The following DDI2 variants were observed in gnomAD, a reference collection of about 807,000 sequenced individuals.
DDI2 encodes DDI proteasomal shuttling factor 2.
DDI2 carries 5 observed loss-of-function variants against 48.1 expected under a neutral mutation model. The observed-to-expected ratio is 0.10, with a 90% CI of 0.05 to 0.22. The LOEUF is 0.22. DDI2 is among the 10% of genes least tolerant of loss of function. The probability of loss-of-function intolerance (pLI) is 1.00; values close to 1 mark genes in which losing one functional copy is unlikely to be tolerated. For missense variants in DDI2, 285 were observed against 506.2 expected (o/e 0.56, Z 4.19); for synonymous variants, 205 against 183.6 (o/e 1.12, Z -0.94).
At chr1:15,637,179 C>G (rs1020276704) in intron 4 of DDI2, among the ~76,000 whole-genome samples, 3 of 152,196 alleles carry the variant, frequency 2.0e-5, no homozygotes, top group African/African-American at 7.2e-5. Flanking sequence ...TGTTGCTTTT[C>G]TCGTGTAAGA....
intron 7 of DDI2, among the ~76,000 whole-genome samples, chr1:15,650,817 G>T (rs1640166459): frequency 6.6e-6 from 1 of 152,132 alleles, no homozygotes; most frequent in South Asian, 2.1e-4. Context: ...AAAAGTAGAT[G>T]CATCATATTG....
In DDI2 at chr1:15,626,730, A is replaced by G. The variant is rs752722490; in HGVS notation, c.200A>G (p.Lys67Arg). The G allele has an allele frequency of 3.7e-6, 6 of 1,614,080 alleles. No individual in the cohort carries two copies. The highest frequency in any genetic ancestry group is 5.1e-6 in the Non-Finnish European group (6 of 1,180,044). ...AGATCATTGGCTTCTTATGGCTTGAAAGATGGGGACGTTGTGATTTTACGA... is the reference window on the plus strand; with the variant it reads ...AGATCATTGGCTTCTTATGGCTTGAGAGATGGGGACGTTGTGATTTTACGA... The part of the protein sequence containing the change: ...NHRSLASYGL[K>R]DGDVVILRQK... The change falls in exon 2 of 10, where the codon AAA becomes AGA. Residue 67 changes from lysine (K) to arginine (R), a missense_variant. Lys to Arg is a conservative substitution (Grantham distance 26). Coordinates refer to ENST00000480945, the MANE Select transcript of DDI2 (RefSeq NM_032341.5).
chr1:15,617,577 C>T lies in DDI2; in HGVS notation c.-94C>T, dbSNP rs897902017. The T allele has an allele frequency of 1.4e-5, 16 of 1,116,524 alleles. No homozygotes were observed. The highest frequency in any genetic ancestry group is 4.9e-5 in the African/African-American group (3 of 61,548). 69.2% of individuals were successfully genotyped at this position (1,116,524 alleles called of 1,614,324 possible). A position where few individuals can be genotyped will look rare whatever the true frequency, so the allele number is the denominator to read the frequency against. On this transcript the variant is annotated 5_prime_UTR_variant, in exon 1 of 10. Coordinates refer to ENST00000480945, the MANE Select transcript of DDI2 (RefSeq NM_032341.5). The stretch of plus-strand genomic sequence containing the variant: ...GCGAACGAGCAGCCGGCGCCGTCCT[C>T]CCGCAGCACCAGCCAGGCCACGCCG...
At chr1:15,632,069 A>G (rs1639855035) in intron 3 of DDI2, among the ~76,000 whole-genome samples, 1 of 151,682 alleles carries the variant, frequency 6.6e-6, no homozygotes, top group African/African-American at 2.4e-5. Context: ...TTCCCAAAGT[A>G]CTGAGATTAC....
intron 6 of DDI2, among the ~76,000 whole-genome samples, chr1:15,644,155 C>T (rs983224273): frequency 6.6e-6 from 1 of 152,204 alleles, no homozygotes; most frequent in Non-Finnish European, 1.5e-5. Flanking sequence ...TCAAGCACAT[C>T]CAATAGCCTC....
At position 15,665,346 on chromosome 1, in the gene DDI2, C is replaced by G. The variant is rs944759144; in HGVS notation, c.*5556C>G. On this transcript the variant is annotated 3_prime_UTR_variant, in exon 10 of 10. Coordinates refer to ENST00000480945, the MANE Select transcript of DDI2 (RefSeq NM_032341.5). Reference sequence around the variant, plus strand: ...AGTGCATGTGTTAAAACTCTTCTGCCTTGCAGCCCACATCTTCTAGAGCTC... The same window carrying G: ...AGTGCATGTGTTAAAACTCTTCTGCGTTGCAGCCCACATCTTCTAGAGCTC... The G allele has an allele frequency of 6.6e-6, 1 of 151,866 alleles. No individual in the cohort carries two copies. Among genetic ancestry groups the G allele is most frequent in the African/African-American group, 2.4e-5 (1 of 41,296 alleles). 9.4% of individuals were successfully genotyped at this position (151,866 alleles called of 1,614,324 possible). A position where few individuals can be genotyped will look rare whatever the true frequency, so the allele number is the denominator to read the frequency against.
intron 8 of DDI2, among the ~76,000 whole-genome samples, chr1:15,655,752 CA>C (rs111602583): frequency 0.36 from 42,009 of 115,734 alleles, 6,739 homozygotes; most frequent in African/African-American, 0.49. Context: ...GACTCCTTCT[CA>C]AAAAAAAAAA....
At chr1:15,619,672 A>C (rs1183851323) in intron 1 of DDI2, among the ~76,000 whole-genome samples, 2 of 150,580 alleles carry the variant, frequency 1.3e-5, no homozygotes, top group African/African-American at 4.9e-5. Flanking sequence ...CATGTTAGCC[A>C]GGATGGTCTC....
intron 5 of DDI2, 95 bp downstream of exon 5, chr1:15,638,529 A>AATTT: frequency 1.3e-5 from 10 of 788,148 alleles, no homozygotes; most frequent in Non-Finnish European, 1.7e-5. Flanking sequence ...AGATGGCTGT[A>AATTT]CTTTTTTTTT....
chr1:15,650,002 A>G (rs543602441), intron 7 of DDI2, among the ~76,000 whole-genome samples, 179 bp downstream of exon 7: 1 of 152,324 alleles, frequency 6.6e-6, no homozygotes, highest in Non-Finnish European at 1.5e-5. Context: ...TATAGATAGA[A>G]TCTGTTTTTG....
intron 4 of DDI2, chr1:15,634,229 A>G (rs1255015323): frequency 1.3e-5 from 2 of 156,720 alleles, no homozygotes; most frequent in African/African-American, 4.8e-5. Flanking sequence ...AGCTCAAGCA[A>G]GGACAGTGAC....
At chr1:15,654,714 A>T (rs1481199227) in intron 8 of DDI2, among the ~76,000 whole-genome samples, 1 of 151,512 alleles carries the variant, frequency 6.6e-6, no homozygotes, top group Non-Finnish European at 1.5e-5. Context: ...TCAAGTTTTT[A>T]TATTAACTAC....
chr1:15,648,023 T>C (rs1032989765), intron 6 of DDI2, among the ~76,000 whole-genome samples: 1 of 152,246 alleles, frequency 6.6e-6, no homozygotes, highest in African/African-American at 2.4e-5. Context: ...TACTTTTCTT[T>C]CATTGTAAAT....
At chr1:15,621,820 A>G (rs1211079171) in intron 1 of DDI2, among the ~76,000 whole-genome samples, 1 of 152,228 alleles carries the variant, frequency 6.6e-6, no homozygotes. Context: ...GAACATCCAT[A>G]TACTTAAGAC....
Position 15,656,621 on chromosome 1 carries a change from T to G in DDI2, c.1188T>G (p.Arg396=). Residue 396 remains arginine (R), a synonymous_variant, in exon 9 of 10, where the codon CGT becomes CGG. Transcript: ENST00000480945. The part of the protein sequence containing the change: ...ALQKSAEDAE[R]QKP ...TCTGTTTCCTAATTCACACAGAGCG[T>G]CAGAAGCCATGATGCATGTAGTGTG... is the stretch of plus-strand genomic sequence containing the variant. The G allele has an allele frequency of 6.2e-7, 1 of 1,614,164 alleles. No individual in the cohort carries two copies. Among genetic ancestry groups the G allele is most frequent in the Non-Finnish European group, 8.5e-7 (1 of 1,180,022 alleles).
intron 8 of DDI2, among the ~76,000 whole-genome samples, chr1:15,653,640 G>T (rs6693694): frequency 0.31 from 47,446 of 151,856 alleles, 8,131 homozygotes; most frequent in African/African-American, 0.43. Context: ...ATGACTACAG[G>T]TGCCTGCTAC....
chr1:15,647,819 C>A (rs554080700), intron 6 of DDI2, among the ~76,000 whole-genome samples: 3 of 151,950 alleles, frequency 2.0e-5, no homozygotes, highest in Non-Finnish European at 4.4e-5. Context: ...AAAAATTAGC[C>A]GGTTGTCATG....
In DDI2 at chr1:15,660,853, T is replaced by G. The variant is rs1275941616; in HGVS notation, c.*1063T>G. Reference sequence around the variant, plus strand: ...TGGAACAAATAAAGAATATGGCCATTACTCCTCTCCAAGTCTCTGTGGCAG... The same window carrying G: ...TGGAACAAATAAAGAATATGGCCATGACTCCTCTCCAAGTCTCTGTGGCAG... On this transcript the variant is annotated 3_prime_UTR_variant, in exon 10 of 10. Coordinates refer to ENST00000480945, the MANE Select transcript of DDI2 (RefSeq NM_032341.5). 6.2e-7 allele frequency: 1 copy of G among 1,614,154 alleles called. No homozygotes were observed. Among genetic ancestry groups the G allele is most frequent in the Non-Finnish European group, 8.5e-7 (1 of 1,180,012 alleles).
chr1:15,618,708 A>G (rs555334671), intron 1 of DDI2, among the ~76,000 whole-genome samples: 1 of 152,220 alleles, frequency 6.6e-6, no homozygotes, highest in African/African-American at 2.4e-5. Context: ...GTCTTTATCA[A>G]ACAGAATCGG....
Sources: allele counts gnomAD v4.1 joint callset (sites outside exome capture counted in the v4.1 genomes callset), GRCh38; gene constraint gnomAD v4.1.1; transcripts MANE v1.5; gene names NCBI Gene and HGNC (gene_info 2026-07-23, HGNC 2026-07-21).